AFG1L: variants seen among roughly 807,000 people sequenced by gnomAD.
The protein encoded by AFG1L is AFG1 like ATPase.
Under a neutral mutation model 62.2 loss-of-function variants are expected in AFG1L, and 53 were observed. That is an observed-to-expected ratio of 0.85 (90% CI 0.68 to 1.07). The LOEUF (loss-of-function observed/expected upper bound fraction) is 1.07. Ranked by LOEUF, AFG1L falls within the 50% of genes least tolerant of loss-of-function variation. The probability of loss-of-function intolerance (pLI) is 0.00; values close to 1 mark genes in which losing one functional copy is unlikely to be tolerated. For missense variants in AFG1L, 555 were observed against 590.5 expected (o/e 0.94, Z 0.62); for synonymous variants, 228 against 210.3 (o/e 1.08, Z -0.73).
chr6:108,402,178 T>G (rs1266630506), intron 7 of AFG1L, 124 bp downstream of exon 7: 1 of 487,698 alleles, frequency 2.1e-6, no homozygotes, highest in Admixed American at 4.4e-5. Context: ...ATAGTAATAG[T>G]CAGGGGCCGG....
At chr6:108,326,630 G>C (rs1033838526) in intron 2 of AFG1L, among the ~76,000 whole-genome samples, 1 of 152,078 alleles carries the variant, frequency 6.6e-6, no homozygotes, top group South Asian at 2.1e-4. Flanking sequence ...TAGAAGAAAG[G>C]CACCATAGAA....
At chr6:108,415,471 T>A (rs555895665) in intron 7 of AFG1L, among the ~76,000 whole-genome samples, 3 of 152,190 alleles carry the variant, frequency 2.0e-5, no homozygotes, top group African/African-American at 2.4e-5. Flanking sequence ...CAAGACACCC[T>A]AAGCCAAAAG....
chr6:108,367,087 GCT>G (rs1779793346), intron 6 of AFG1L, among the ~76,000 whole-genome samples: 1 of 151,920 alleles, frequency 6.6e-6, no homozygotes, highest in Admixed American at 6.6e-5. Flanking sequence ...CCTTTACCCT[GCT>G]CTCTCTTTTA....
chr6:108,442,633 C>T (rs1562164309), intron 7 of AFG1L, among the ~76,000 whole-genome samples: 1 of 152,150 alleles, frequency 6.6e-6, no homozygotes, highest in African/African-American at 2.4e-5. Flanking sequence ...TTGTAGGCCT[C>T]CCTAGAGGAC....
intron 7 of AFG1L, among the ~76,000 whole-genome samples, chr6:108,403,800 T>C (rs1174223668): frequency 6.6e-6 from 1 of 151,848 alleles, no homozygotes; most frequent in African/African-American, 2.4e-5. Flanking sequence ...TTTTTTTTTT[T>C]CCTCCAAATA....
At chr6:108,312,718 T>C (rs1200067165) in intron 1 of AFG1L, among the ~76,000 whole-genome samples, 1 of 152,178 alleles carries the variant, frequency 6.6e-6, no homozygotes, top group Non-Finnish European at 1.5e-5. Context: ...TTATGACATA[T>C]GTCAAGATTA....
intron 5 of AFG1L, chr6:108,358,953 C>A (rs1442314445): frequency 6.6e-6 from 1 of 152,232 alleles, no homozygotes. Flanking sequence ...GCAAGCAGGG[C>A]AACTTGCCCA....
chr6:108,487,249 C>G (rs990705693), intron 10 of AFG1L, among the ~76,000 whole-genome samples: 5 of 152,180 alleles, frequency 3.3e-5, no homozygotes, highest in African/African-American at 9.7e-5. Context: ...CTTGTAGTCT[C>G]AGCTACTTGG....
At chr6:108,320,212 G>A (rs1408537216) in intron 1 of AFG1L, among the ~76,000 whole-genome samples, 1 of 152,180 alleles carries the variant, frequency 6.6e-6, no homozygotes, top group Non-Finnish European at 1.5e-5. Context: ...TGGCACAGTG[G>A]TGGTGATCAG....
At chr6:108,358,903 T>C (rs1489470947) in intron 5 of AFG1L, among the ~76,000 whole-genome samples, 1 of 152,268 alleles carries the variant, frequency 6.6e-6, no homozygotes, top group East Asian at 1.9e-4. Flanking sequence ...GCTATGAAAA[T>C]CTGGCTGTGC....
intron 1 of AFG1L, among the ~76,000 whole-genome samples, chr6:108,321,553 A>G (rs187308572): frequency 1.4e-4 from 22 of 152,342 alleles, no homozygotes; most frequent in African/African-American, 5.3e-4. Flanking sequence ...AATGAATAAC[A>G]GAAAACACTC....
chr6:108,404,112 A>G (rs1469858596), intron 7 of AFG1L, among the ~76,000 whole-genome samples: 1 of 152,102 alleles, frequency 6.6e-6, no homozygotes, highest in East Asian at 1.9e-4. Flanking sequence ...TTTCTTTTGT[A>G]AGGAAAGGTA....
intron 7 of AFG1L, among the ~76,000 whole-genome samples, chr6:108,414,608 T>C (rs1329246852): frequency 6.6e-6 from 1 of 152,228 alleles, no homozygotes; most frequent in Non-Finnish European, 1.5e-5. Context: ...GATGCAAGGC[T>C]GGTTCAACAT....
intron 12 of AFG1L, chr6:108,520,987 A>G (rs978881322): frequency 2.6e-5 from 4 of 152,210 alleles, no homozygotes; most frequent in African/African-American, 9.7e-5. Context: ...TCATCTCCCA[A>G]AAGCTCCGCC....
At chr6:108,364,864 CCAAA>C (rs1241475780) in intron 5 of AFG1L, among the ~76,000 whole-genome samples, 14 of 84,294 alleles carry the variant, frequency 1.7e-4, no homozygotes, top group Admixed American at 2.3e-4. Flanking sequence ...CCTGAGACAG[CCAAA>C]AAAAAAAAAA....
chr6:108,363,041 T>C lies in AFG1L; in HGVS notation c.649-3192T>C, dbSNP rs538308529. ...TTGGCCTTTAGGTAGTGTTAATTAA[T>C]ATAATATTTATTTTACTAGGGAGAC... On this transcript the variant is annotated intron_variant, in intron 5 of 12. Coordinates refer to ENST00000368977, the MANE Select transcript of AFG1L (RefSeq NM_145315.5). 3.3e-5 allele frequency among the ~76,000 whole-genome samples: 5 copies of C among 152,282 alleles called. No individual in the cohort carries two copies. In the East Asian group the frequency reaches 9.6e-4, roughly 29 times the overall value.
At chr6:108,347,899 A>T (rs949793246) in intron 3 of AFG1L, among the ~76,000 whole-genome samples, 3 of 152,078 alleles carry the variant, frequency 2.0e-5, no homozygotes, top group African/African-American at 7.2e-5. Context: ...CTCAAAACTC[A>T]CATTCACATG....
In AFG1L at chr6:108,424,181, A is replaced by G. The variant is rs536366502; in HGVS notation, c.807+22127A>G. On this transcript the variant is annotated intron_variant, in intron 7 of 12. Coordinates refer to ENST00000368977, the MANE Select transcript of AFG1L (RefSeq NM_145315.5). The stretch of plus-strand genomic sequence containing the variant: ...GCTCTGTCACTGACTTTGCTCTGTC[A>G]CTGGCAAGCCTCTTAAACCTGTGTG... 2.2e-4 allele frequency among the ~76,000 whole-genome samples: 34 copies of G among 152,230 alleles called. 1 individual carries two copies. In the South Asian group the frequency reaches 6.4e-3, roughly 29 times the overall value.
At chr6:108,488,674 A>G (rs1241512928) in intron 10 of AFG1L, among the ~76,000 whole-genome samples, 1 of 151,754 alleles carries the variant, frequency 6.6e-6, no homozygotes, top group Non-Finnish European at 1.5e-5. Context: ...CCTGGCCAAC[A>G]TGGTGAAACC....
Sources: gnomAD v4.1 joint callset for allele counts (sites outside exome capture counted in the v4.1 genomes callset) on GRCh38, gnomAD v4.1.1 for gene constraint, MANE v1.5 for transcripts, NCBI Gene and HGNC (gene_info 2026-07-23, HGNC 2026-07-21) for gene names.